CSNK2A1: variants seen among roughly 807,000 people sequenced by gnomAD.
CSNK2A1 encodes casein kinase II subunit alpha.
A neutral mutation model predicts 62.9 loss-of-function variants in CSNK2A1; 10 were observed. The ratio of observed to expected loss-of-function variants is 0.16; its 90% CI spans 0.10 to 0.27. CSNK2A1 has a LOEUF of 0.27. Among genes scored for constraint, CSNK2A1 ranks in the 10% least tolerant of loss-of-function variants. CSNK2A1 has a pLI of 1.00. For synonymous variants in CSNK2A1, 124 were observed against 167.8 expected, an observed-to-expected ratio of 0.74 and a Z score of 2.02; for missense variants, 160 against 492.0, an observed-to-expected ratio of 0.33 and a Z score of 6.38.
intron 11 of CSNK2A1, chr20:488,355 G>A (rs1399161204): frequency 7.9e-6 from 2 of 252,552 alleles, no homozygotes; most frequent in Non-Finnish European, 1.5e-5. Flanking sequence ...CTTTCTCTTG[G>A]AGAGAGGTTT....
chr20:531,714 G>A (rs1401319336), intron 1 of CSNK2A1, among the ~76,000 whole-genome samples: 3 of 152,118 alleles, frequency 2.0e-5, no homozygotes, highest in African/African-American at 7.2e-5. Context: ...AAATTAAACT[G>A]CTCAAACTAA....
At chr20:506,408 T>C (rs1451523791) in intron 3 of CSNK2A1, 4 of 152,172 alleles carry the variant, frequency 2.6e-5, no homozygotes, top group Non-Finnish European at 2.9e-5. Context: ...ACATTATAGA[T>C]TGTAAACTAT....
rs1292678881 is a variant in CSNK2A1 at position 499,378 on chromosome 20, C to T, written c.316-73G>A. On this transcript the variant is annotated intron_variant, in intron 5 of 13. Transcript: ENST00000217244. This position sits in a 1 kb window ranked among gnomAD's most constrained non-coding sequence, Gnocchi z 4.2. ...ACAGCTTTAATGGGGACAATGTTTG[C>T]GGATGCTGCGTGGTGAAATTTGGCA... The T allele has an allele frequency of 6.2e-6, 9 of 1,450,266 alleles. No homozygotes were observed. The highest frequency in any genetic ancestry group is 5.7e-5 in the African/African-American group (4 of 70,688). 89.8% of individuals were successfully genotyped at this position (1,450,266 alleles called of 1,614,324 possible).
chr20:503,641 T>C (rs1180895650), intron 4 of CSNK2A1: 2 of 398,438 alleles, frequency 5.0e-6, no homozygotes, highest in African/African-American at 4.1e-5. Context: ...CTCCTCGCGA[T>C]GGCATATTTT....
intron 2 of CSNK2A1, among the ~76,000 whole-genome samples, chr20:511,842 C>A (rs1235307511): frequency 1.3e-5 from 2 of 152,038 alleles, no homozygotes; most frequent in Admixed American, 6.6e-5. Context: ...CTGTTTGAGA[C>A]CTCGCTTTCA....
At chr20:498,146 T>A (rs2018382866) in intron 6 of CSNK2A1, 1 of 194,182 alleles carries the variant, frequency 5.1e-6, no homozygotes. Context: ...AGTAGGGAAC[T>A]AACTCATCTT....
rs1047496023 is a variant in CSNK2A1, at chr20:496,236, G to C, written c.427-434C>G. 5.2e-4 allele frequency: 87 copies of C among 165,942 alleles called. 1 individual carries two copies. Among genetic ancestry groups the C allele is most frequent in the Non-Finnish European group, 9.6e-4 (73 of 75,776 alleles). 10.3% of individuals were successfully genotyped at this position (165,942 alleles called of 1,614,324 possible). A position where few individuals can be genotyped will look rare whatever the true frequency, so the allele number is the denominator to read the frequency against. On this transcript the variant is annotated intron_variant, in intron 7 of 13. Coordinates refer to ENST00000217244, the MANE Select transcript of CSNK2A1 (RefSeq NM_177559.3). ...GCAGACCACAGGCCAAATTTGGCCT[G>C]ATGTCTGCTTTTGTAAATAATGTTT...
intron 1 of CSNK2A1, among the ~76,000 whole-genome samples, chr20:536,472 T>C (rs891000876): frequency 2.6e-5 from 4 of 152,304 alleles, no homozygotes; most frequent in South Asian, 2.1e-4. Flanking sequence ...CTAATTCCCA[T>C]GTTACAGGTG....
chr20:490,011 T>C lies in CSNK2A1; in HGVS notation c.622-130A>G, dbSNP rs1046225453. 4.4e-5 allele frequency: 29 copies of C among 654,816 alleles called. No individual in the cohort carries two copies. The African/African-American group carries it at 5.1e-4, about 12-fold the overall frequency. The allele number at this position is 654,816 out of a possible 1,614,324, so 40.6% of individuals were successfully genotyped here. On this transcript the variant is annotated intron_variant, in intron 9 of 13. Transcript: ENST00000217244. ...CAAAATCAAAACACTAATAACATCTTCATATATTTCTTTTTAGTCTTTCTT... is the reference window on the plus strand; with the variant it reads ...CAAAATCAAAACACTAATAACATCTCCATATATTTCTTTTTAGTCTTTCTT...
At chr20:503,453 A>G (rs2018510839) in intron 4 of CSNK2A1, 1 of 398,520 alleles carries the variant, frequency 2.5e-6, no homozygotes, top group South Asian at 1.3e-4. Flanking sequence ...CTGGTTCTCA[A>G]AGGGCATGTG....
rs547346030 is a variant in CSNK2A1, at chr20:483,857, G to T, written c.*104C>A. The T allele has an allele frequency of 1.5e-5, 15 of 1,011,010 alleles. No individual in the cohort carries two copies. The highest frequency in any genetic ancestry group is 1.8e-5 in the Non-Finnish European group (13 of 741,656). The allele number at this position is 1,011,010 out of a possible 1,614,324, so 62.6% of individuals were successfully genotyped here. A position where few individuals can be genotyped will look rare whatever the true frequency, so the allele number is the denominator to read the frequency against. ...AATCCACAAGCAACGGTTCAGACAC[G>T]GTGCTTCTGAAGTGTTTCACCCCTC... On this transcript the variant is annotated 3_prime_UTR_variant, in exon 14 of 14. Coordinates refer to ENST00000217244, the MANE Select transcript of CSNK2A1 (RefSeq NM_177559.3).
rs962491027 is a variant in CSNK2A1 at position 478,087 on chromosome 20, T to C, written c.*5874A>G. 2.0e-5 allele frequency: 3 copies of C among 152,118 alleles called. No homozygotes were observed. Among genetic ancestry groups the C allele is most frequent in the African/African-American group, 4.8e-5 (2 of 41,406 alleles). 9.4% of individuals were successfully genotyped at this position (152,118 alleles called of 1,614,324 possible). A position where few individuals can be genotyped will look rare whatever the true frequency, so the allele number is the denominator to read the frequency against. On this transcript the variant is annotated 3_prime_UTR_variant, in exon 14 of 14. Coordinates refer to ENST00000217244, the MANE Select transcript of CSNK2A1 (RefSeq NM_177559.3). ...TTTCACTTTTCTAATTAACATACAT[T>C]TCCCCATGGGCTTGTGTCTCACCTC...
chr20:489,934 T>A, intron 9 of CSNK2A1, 53 bp from the exon 10 acceptor site: 1 of 1,369,934 alleles, frequency 7.3e-7, no homozygotes, highest in South Asian at 1.8e-5. Context: ...GGCTTGTCAC[T>A]TCAAAATAAA....
intron 2 of CSNK2A1, among the ~76,000 whole-genome samples, chr20:512,668 G>A (rs550152708): frequency 2.0e-5 from 3 of 152,246 alleles, no homozygotes; most frequent in Non-Finnish European, 4.4e-5. Context: ...GCTGACTTAT[G>A]AATTCTCCCA....
chr20:481,078 A>AGAAGCATATT lies in CSNK2A1; in HGVS notation c.*2873_*2882dup, dbSNP rs1265070449. 4 of 152,220 alleles carry AGAAGCATATT rather than the reference A, an allele frequency of 2.6e-5. No homozygotes were observed. Among genetic ancestry groups the AGAAGCATATT allele is most frequent in the Admixed American group, 6.5e-5 (1 of 15,280 alleles). The allele number at this position is 152,220 out of a possible 1,614,324, so 9.4% of individuals were successfully genotyped here. On this transcript the variant is annotated 3_prime_UTR_variant, in exon 14 of 14. Transcript: ENST00000217244. The stretch of plus-strand genomic sequence containing the variant: ...ATCTATCACACACGGTGTCGGTTGG[A>AGAAGCATATT]GAAGCATATTGCTCAGGCTGCAGGG...
intron 8 of CSNK2A1, chr20:494,112 C>A (rs1162285954): frequency 6.6e-6 from 1 of 151,448 alleles, no homozygotes; most frequent in Non-Finnish European, 1.5e-5. Context: ...ACTGCAACCT[C>A]CGCCTCCGGG....
intron 4 of CSNK2A1, chr20:503,365 C>A: frequency 2.5e-6 from 1 of 397,554 alleles, no homozygotes; most frequent in Non-Finnish European, 4.4e-6. Flanking sequence ...ACTACTATGG[C>A]TAGTCACCCA....
intron 12 of CSNK2A1, chr20:486,976 T>TA (rs2018113878): frequency 5.5e-6 from 1 of 183,160 alleles, no homozygotes; most frequent in Non-Finnish European, 1.2e-5. Context: ...ATGTTGCAGC[T>TA]AACATCACAG....
At chr20:516,751 G>A (rs2018836154) in intron 2 of CSNK2A1, among the ~76,000 whole-genome samples, 1 of 152,010 alleles carries the variant, frequency 6.6e-6, no homozygotes. Context: ...GAATTTCCTA[G>A]TATCAGAAAT....
Sources: allele counts gnomAD v4.1 joint callset (sites outside exome capture counted in the v4.1 genomes callset), GRCh38; gene constraint gnomAD v4.1.1; non-coding constraint Gnocchi (gnomAD v3.1); transcripts MANE v1.5; gene names NCBI Gene and HGNC (gene_info 2026-07-23, HGNC 2026-07-21).